The following NKAIN2 variants were observed in gnomAD, a reference collection of about 807,000 sequenced individuals.
NKAIN2 encodes sodium/potassium transporting ATPase interacting 2.
A neutral mutation model predicts 32.6 loss-of-function variants in NKAIN2; 14 were observed. The ratio of observed to expected loss-of-function variants is 0.43; its 90% CI spans 0.28 to 0.67. NKAIN2 has a LOEUF of 0.67. Among genes scored for constraint, NKAIN2 ranks in the 30% least tolerant of loss-of-function variants. The probability of loss-of-function intolerance (pLI) is 0.17; values close to 1 mark genes in which losing one functional copy is unlikely to be tolerated. For missense variants in NKAIN2, 198 were observed against 258.3 expected, an observed-to-expected ratio of 0.77 and a Z score of 1.60; for synonymous variants, 80 against 87.2, an observed-to-expected ratio of 0.92 and a Z score of 0.46.
intron 3 of NKAIN2, among the ~76,000 whole-genome samples, chr6:124,412,623 G>T (rs180857767): frequency 2.0e-5 from 3 of 152,264 alleles, no homozygotes; most frequent in South Asian, 4.1e-4. Flanking sequence ...CAGGGGTCGG[G>T]GACCCACTTG....
chr6:124,126,707 A>G (rs1350709495), intron 1 of NKAIN2, among the ~76,000 whole-genome samples: 2 of 152,208 alleles, frequency 1.3e-5, no homozygotes, highest in Non-Finnish European at 2.9e-5. Context: ...GGATCACTTG[A>G]GCCCAGTCTG....
intron 3 of NKAIN2, among the ~76,000 whole-genome samples, chr6:124,384,559 T>C (rs1016217048): frequency 6.6e-6 from 1 of 152,214 alleles, no homozygotes; most frequent in African/African-American, 2.4e-5. Context: ...GAGCAAGGCC[T>C]AATACTTATG....
intron 1 of NKAIN2, among the ~76,000 whole-genome samples, chr6:123,973,928 G>T (rs1339567414): frequency 6.6e-6 from 1 of 152,006 alleles, no homozygotes; most frequent in African/African-American, 2.4e-5. Context: ...AATGGAAGGA[G>T]AATTATCCTA....
chr6:124,089,115 C>A (rs1784315119), intron 1 of NKAIN2, among the ~76,000 whole-genome samples: 1 of 151,906 alleles, frequency 6.6e-6, no homozygotes, highest in African/African-American at 2.4e-5. Flanking sequence ...TCACCATTGA[C>A]AACTTGAGGG....
intron 4 of NKAIN2, among the ~76,000 whole-genome samples, chr6:124,706,674 A>G (rs7453421): frequency 0.19 from 29,514 of 152,082 alleles, 3,127 homozygotes; most frequent in East Asian, 0.36. Context: ...TAAGTGGTCA[A>G]AGAGCAGCAA....
chr6:123,944,709 A>G (rs1175335588), intron 1 of NKAIN2, among the ~76,000 whole-genome samples: 1 of 152,164 alleles, frequency 6.6e-6, no homozygotes, highest in East Asian at 1.9e-4. Context: ...TTGTTTAATT[A>G]GAGAGTTTAC....
chr6:124,821,186 T>C (rs1781379939), intron 6 of NKAIN2, among the ~76,000 whole-genome samples: 2 of 151,630 alleles, frequency 1.3e-5, no homozygotes, highest in African/African-American at 4.9e-5. Context: ...TCCCAGTTAC[T>C]CGGGAGGCTG....
intron 4 of NKAIN2, among the ~76,000 whole-genome samples, chr6:124,740,452 G>GTGTGTC (rs2114687073): frequency 6.7e-6 from 1 of 149,594 alleles, no homozygotes; most frequent in East Asian, 2.0e-4. Context: ...ATACACGTGT[G>GTGTGTC]TGTGTGTGTG....
chr6:124,636,782 G>A (rs1216257117), intron 3 of NKAIN2, among the ~76,000 whole-genome samples: 1 of 151,878 alleles, frequency 6.6e-6, no homozygotes, highest in African/African-American at 2.4e-5. Flanking sequence ...ACAAAGTAAA[G>A]CCAGGCTTCA....
chr6:124,340,624 A>G (rs1041825602), intron 2 of NKAIN2, among the ~76,000 whole-genome samples: 6 of 152,168 alleles, frequency 3.9e-5, no homozygotes, highest in Admixed American at 3.9e-4. Flanking sequence ...AGGTGAGAAC[A>G]TGCTGTATTT....
rs77170781 is a variant in NKAIN2 at position 124,323,331 on chromosome 6, C to T, written c.193-31936C>T. 1.5e-3 allele frequency among the ~76,000 whole-genome samples: 221 copies of T among 152,270 alleles called. 4 individuals carry two copies. In the East Asian group the frequency reaches 0.035, roughly 24 times the overall value. ...TTATGAATTACGTTTTTGGTGTCAT[C>T]TAAGAACACTGCCAACTACTCATTC... On this transcript the variant is annotated intron_variant, in intron 2 of 6. Transcript: ENST00000368417.
chr6:124,110,327 A>T (rs1386320908), intron 1 of NKAIN2, among the ~76,000 whole-genome samples: 1 of 152,064 alleles, frequency 6.6e-6, no homozygotes, highest in Non-Finnish European at 1.5e-5. Flanking sequence ...AAAATTCAGC[A>T]TATACTCATA....
intron 3 of NKAIN2, among the ~76,000 whole-genome samples, chr6:124,531,028 T>C (rs1331835649): frequency 6.6e-6 from 1 of 152,190 alleles, no homozygotes; most frequent in Non-Finnish European, 1.5e-5. Context: ...CATATCCAGA[T>C]ATAATGATTT....
At chr6:124,177,367 A>T (rs1789213011) in intron 1 of NKAIN2, among the ~76,000 whole-genome samples, 1 of 152,180 alleles carries the variant, frequency 6.6e-6, no homozygotes, top group African/African-American at 2.4e-5. Flanking sequence ...GCAGCTTCTT[A>T]GCATGATTTC....
intron 2 of NKAIN2, among the ~76,000 whole-genome samples, chr6:124,347,160 G>A (rs1258833017): frequency 2.6e-4 from 39 of 152,196 alleles, no homozygotes; most frequent in African/African-American, 9.2e-4. Flanking sequence ...TTGAATATTG[G>A]CCCCCACTCT....
chr6:124,513,623 A>G (rs751292527), intron 3 of NKAIN2, among the ~76,000 whole-genome samples: 7 of 152,136 alleles, frequency 4.6e-5, no homozygotes, highest in Non-Finnish European at 1.0e-4. Flanking sequence ...ATTTGGGCAA[A>G]CCATATTGTA....
At chr6:124,263,136 C>T (rs1221065708) in intron 1 of NKAIN2, among the ~76,000 whole-genome samples, 7 of 152,098 alleles carry the variant, frequency 4.6e-5, no homozygotes, top group Non-Finnish European at 1.5e-5. Flanking sequence ...AATACTAAGG[C>T]TTCTAGGGTT....
At chr6:124,662,185 G>A (rs1208858663) in intron 4 of NKAIN2, among the ~76,000 whole-genome samples, 2 of 152,212 alleles carry the variant, frequency 1.3e-5, no homozygotes, top group African/African-American at 2.4e-5. Flanking sequence ...TGCCACAGGT[G>A]AGGGGAATGA....
intron 4 of NKAIN2, among the ~76,000 whole-genome samples, chr6:124,672,608 G>T (rs1395456048): frequency 1.3e-5 from 2 of 151,984 alleles, no homozygotes; most frequent in Non-Finnish European, 2.9e-5. Context: ...GATCATTCAT[G>T]AATATTTATA....
Sources: gnomAD v4.1 joint callset for allele counts (sites outside exome capture counted in the v4.1 genomes callset) on GRCh38, gnomAD v4.1.1 for gene constraint, MANE v1.5 for transcripts, NCBI Gene and HGNC (gene_info 2026-07-23, HGNC 2026-07-21) for gene names.